GABRA1: variants seen among roughly 807,000 people sequenced by gnomAD.
GABRA1 encodes gamma-aminobutyric acid type A receptor subunit alpha1.
A neutral mutation model predicts 48.9 loss-of-function variants in GABRA1; 9 were observed. That is an observed-to-expected ratio of 0.18 (90% CI 0.11 to 0.32). GABRA1 has a LOEUF of 0.32. GABRA1 is among the 10% of genes least tolerant of loss of function. The probability of loss-of-function intolerance (pLI) is 1.00; values close to 1 mark genes in which losing one functional copy is unlikely to be tolerated. For missense variants in GABRA1, 285 were observed against 553.8 expected, an observed-to-expected ratio of 0.51 and a Z score of 4.87; for synonymous variants, 210 against 198.7, an observed-to-expected ratio of 1.06 and a Z score of -0.48.
rs778424701 is a variant in GABRA1, at chr5:161,850,900, T to C, written c.74+16T>C. ...CTGGAAGAAGGTGGGGACACTTTTT[T>C]AAAAATCTGCATGAAAATTTCTGTA... On this transcript the variant is annotated intron_variant, in intron 2 of 9. Transcript: ENST00000393943. The C allele has an allele frequency of 8.1e-6, 13 of 1,602,992 alleles. No individual in the cohort carries two copies. In the African/African-American group the frequency reaches 1.7e-4, roughly 21 times the overall value.
chr5:161,867,771 C>A (rs1288883347), intron 4 of GABRA1, among the ~76,000 whole-genome samples: 1 of 152,064 alleles, frequency 6.6e-6, no homozygotes, highest in Non-Finnish European at 1.5e-5. Context: ...TTTATGAAAT[C>A]ATTTTTATTA....
At chr5:161,893,329 G>A (rs1755206571) in intron 8 of GABRA1, among the ~76,000 whole-genome samples, 1 of 151,928 alleles carries the variant, frequency 6.6e-6, no homozygotes, top group Non-Finnish European at 1.5e-5. Flanking sequence ...TGTGTTTCAA[G>A]TTTTATGTTT....
chr5:161,890,872 TC>T (rs779863540), intron 7 of GABRA1, 25 bp from the exon 8 acceptor site: 107 of 1,610,750 alleles, frequency 6.6e-5, no homozygotes, highest in Middle Eastern at 1.7e-4. Flanking sequence ...AAATTGCTCA[TC>T]TTTCTTGTGT....
At chr5:161,875,261 C>T (rs528070946) in intron 5 of GABRA1, among the ~76,000 whole-genome samples, 122 of 152,266 alleles carry the variant, frequency 8.0e-4, no homozygotes, top group Non-Finnish European at 1.4e-3. Context: ...TATTCTCAAA[C>T]CATTTGCTAT....
At chr5:161,860,244 T>G (rs1757800771) in intron 3 of GABRA1, among the ~76,000 whole-genome samples, 1 of 151,858 alleles carries the variant, frequency 6.6e-6, no homozygotes. Flanking sequence ...TTTAGACAAC[T>G]TGCTACTTTC....
At chr5:161,882,813 A>C in intron 7 of GABRA1, 112 bp downstream of exon 7, 1 of 1,090,530 alleles carries the variant, frequency 9.2e-7, no homozygotes, top group South Asian at 1.3e-5. Flanking sequence ...ATTTCACTAA[A>C]TTGGGCATCA....
In GABRA1 at chr5:161,855,253, T is replaced by C. The variant is rs530755416; in HGVS notation, c.187+983T>C. Among the ~76,000 whole-genome samples, 4 of 151,748 alleles carry C rather than the reference T, an allele frequency of 2.6e-5. No homozygotes were observed. The East Asian group carries it at 7.7e-4, about 29-fold the overall frequency. The stretch of plus-strand genomic sequence containing the variant: ...ATAAAAAGCTTACAAATTCAAACAA[T>C]GATTTTTCAACTAAATGGTTGCATG... On this transcript the variant is annotated intron_variant, in intron 3 of 9. Transcript: ENST00000393943.
chr5:161,867,648 A>G (rs1368219551), intron 4 of GABRA1, among the ~76,000 whole-genome samples: 3 of 152,100 alleles, frequency 2.0e-5, no homozygotes, highest in African/African-American at 4.8e-5. Context: ...AGCTATTATT[A>G]TTTTTACCTC....
intron 3 of GABRA1, among the ~76,000 whole-genome samples, chr5:161,854,886 A>AAT (rs1025766655): frequency 5.3e-5 from 8 of 151,558 alleles, no homozygotes; most frequent in South Asian, 2.1e-4. Flanking sequence ...TTAATAACAT[A>AAT]ATATATATAT....
intron 3 of GABRA1, among the ~76,000 whole-genome samples, chr5:161,855,476 G>A (rs1297166259): frequency 6.6e-6 from 1 of 151,348 alleles, no homozygotes; most frequent in Non-Finnish European, 1.5e-5. Context: ...ATTCATTTTA[G>A]GACATACTAT....
intron 3 of GABRA1, among the ~76,000 whole-genome samples, chr5:161,861,936 A>G (rs556393917): frequency 6.6e-6 from 1 of 151,774 alleles, no homozygotes; most frequent in Non-Finnish European, 1.5e-5. Context: ...AAGGCAATAG[A>G]CCTCCATCAT....
chr5:161,878,930 C>T (rs532091618), intron 6 of GABRA1, among the ~76,000 whole-genome samples: 10 of 152,148 alleles, frequency 6.6e-5, no homozygotes, highest in Admixed American at 2.0e-4. Flanking sequence ...GAACAATGTA[C>T]GACTTTAGAA....
Position 161,867,420 on chromosome 5 carries a change from A to G in GABRA1, c.255+1632A>G, listed in dbSNP as rs536042987. 4.3e-4 allele frequency among the ~76,000 whole-genome samples: 66 copies of G among 152,152 alleles called. 1 individual carries two copies. Among genetic ancestry groups the G allele is most frequent in the Non-Finnish European group, 8.7e-4 (59 of 68,032 alleles). ...AGTCCTGCTTTCTGCAAGGCAGTAC[A>G]GTGTGGGGGTTAGCAGGGCTGGCTC... On this transcript the variant is annotated intron_variant, in intron 4 of 9. Coordinates refer to ENST00000393943, the MANE Select transcript of GABRA1 (RefSeq NM_001127644.2).
chr5:161,883,295 T>C (rs978261610), intron 7 of GABRA1, among the ~76,000 whole-genome samples: 10 of 152,192 alleles, frequency 6.6e-5, no homozygotes, highest in Non-Finnish European at 1.3e-4. Context: ...AACCACATTA[T>C]TGATCACTCC....
intron 6 of GABRA1, chr5:161,882,226 T>C (rs1754648168): frequency 8.3e-6 from 3 of 362,924 alleles, no homozygotes; most frequent in South Asian, 7.2e-5. Flanking sequence ...ATTACATACG[T>C]ATTTGCTTAT....
chr5:161,882,366 G>A lies in GABRA1; in HGVS notation c.560-192G>A, dbSNP rs567695847. 35 of 542,422 alleles carry A rather than the reference G, an allele frequency of 6.5e-5. No individual in the cohort carries two copies. The Admixed American group carries it at 1.2e-3, about 18-fold the overall frequency. 33.6% of individuals were successfully genotyped at this position (542,422 alleles called of 1,614,324 possible). A position where few individuals can be genotyped will look rare whatever the true frequency, so the allele number is the denominator to read the frequency against. On this transcript the variant is annotated intron_variant, in intron 6 of 9. Coordinates refer to ENST00000393943, the MANE Select transcript of GABRA1 (RefSeq NM_001127644.2). ...CCTTATAACCATTTGTTGGAAGAGT[G>A]AATAAATGACTAAAAAAAAAAAATC...
At chr5:161,864,455 T>C (rs764602510) in intron 3 of GABRA1, among the ~76,000 whole-genome samples, 8 of 152,028 alleles carry the variant, frequency 5.3e-5, no homozygotes, top group Non-Finnish European at 8.8e-5. Flanking sequence ...TAGGGATAAA[T>C]TTATACTGAC....
chr5:161,858,114 C>T (rs181885266), intron 3 of GABRA1, among the ~76,000 whole-genome samples: 3 of 151,460 alleles, frequency 2.0e-5, no homozygotes, highest in African/African-American at 7.2e-5. Context: ...ATCTCATGAG[C>T]CTGGGGAGAC....
At chr5:161,888,700 CTA>C (rs201905913) in intron 7 of GABRA1, among the ~76,000 whole-genome samples, 3,395 of 152,036 alleles carry the variant, frequency 0.022, 71 homozygotes, top group Middle Eastern at 0.048. Context: ...CCACATGAGA[CTA>C]TATTTTAGTA....
Sources: allele counts gnomAD v4.1 joint callset (sites outside exome capture counted in the v4.1 genomes callset), GRCh38; gene constraint gnomAD v4.1.1; transcripts MANE v1.5; gene names NCBI Gene and HGNC (gene_info 2026-07-23, HGNC 2026-07-21).